Variants in DMPK observed in about 807,000 individuals in gnomAD.
DMPK encodes myotonin-protein kinase.
Under a neutral mutation model 70.3 loss-of-function variants are expected in DMPK, and 32 were observed. The observed-to-expected ratio is 0.46, with a 90% CI of 0.34 to 0.61. The LOEUF is 0.61. Among genes scored for constraint, DMPK ranks in the 20% least tolerant of loss-of-function variants. The pLI, the probability that DMPK is intolerant of heterozygous loss-of-function variation, is 0.01. For missense variants in DMPK, 899 were observed against 886.0 expected (o/e 1.01, Z -0.19); for synonymous variants, 469 against 390.9 (o/e 1.20, Z -2.36).
At chr19:45,778,711 A>C (rs1049380673) in intron 4 of DMPK, 70 bp from the exon 5 acceptor site, 1 of 1,512,356 alleles carries the variant, frequency 6.6e-7, no homozygotes, top group Non-Finnish European at 9.0e-7. Context: ...TGGCTGGGAC[A>C]ACCCCTCCCA....
Position 45,777,165 on chromosome 19 carries a change from G to C in DMPK, c.1146+162C>G. Reference sequence around the variant, plus strand: ...TCTGTGTTCCCCCACTGGACTGTAAGTCTAGGTCACTGCTGGGTCCTCAGT... The same window carrying C: ...TCTGTGTTCCCCCACTGGACTGTAACTCTAGGTCACTGCTGGGTCCTCAGT... On this transcript the variant is annotated intron_variant, in intron 8 of 14. Coordinates refer to ENST00000291270, the MANE Select transcript of DMPK (RefSeq NM_004409.5). This position sits in a 1 kb window ranked among gnomAD's most constrained non-coding sequence, Gnocchi z 6.7. 1.0e-6 allele frequency: 1 copy of C among 1,003,318 alleles called. No individual in the cohort carries two copies. Among genetic ancestry groups the C allele is most frequent in the Non-Finnish European group, 1.4e-6 (1 of 710,350 alleles). The allele number at this position is 1,003,318 out of a possible 1,614,324, so 62.2% of individuals were successfully genotyped here.
chr19:45,777,736 C>T lies in DMPK; in HGVS notation c.813G>A (p.Met271Ile). The change falls in exon 7 of 15, where the codon ATG becomes ATA. Residue 271 changes from methionine to isoleucine, a missense_variant. Physicochemically the swap from Met to Ile is conservative, Grantham distance 10 (BLOSUM62 1). Coordinates refer to ENST00000291270, the MANE Select transcript of DMPK (RefSeq NM_004409.5). The surrounding 1 kb of genome is among the most constrained non-coding windows in gnomAD (Gnocchi z 6.7). ...CGTAGAAGGGCGTCTGCCCATAGAACATTTCATAGGCGAATACACCCAGCG... is the reference window on the plus strand; with the variant it reads ...CGTAGAAGGGCGTCTGCCCATAGAATATTTCATAGGCGAATACACCCAGCG... ...WWALGVFAYE[M>I]FYGQTPFYAD... The T allele has an allele frequency of 1.2e-6, 2 of 1,613,864 alleles. No homozygotes were observed.
Position 45,782,466 on chromosome 19 carries a change from C to G in DMPK, c.-114G>C. The G allele has an allele frequency of 8.1e-7, 1 of 1,229,814 alleles. No homozygotes were observed. Among genetic ancestry groups the G allele is most frequent in the South Asian group, 1.6e-5 (1 of 62,264 alleles). 76.2% of individuals were successfully genotyped at this position (1,229,814 alleles called of 1,614,324 possible). A position where few individuals can be genotyped will look rare whatever the true frequency, so the allele number is the denominator to read the frequency against. ...GAGCCCTGGCTGCATGTCTGCCTGT[C>G]CCTGGCTGTCCCCTGGGCCTCTCTG... On this transcript the variant is annotated 5_prime_UTR_variant, in exon 1 of 15. Coordinates refer to ENST00000291270, the MANE Select transcript of DMPK (RefSeq NM_004409.5).
At chr19:45,779,078 C>T (rs1011496591) in intron 4 of DMPK, 186 bp downstream of exon 4, 9 of 641,592 alleles carry the variant, frequency 1.4e-5, no homozygotes, top group Non-Finnish European at 2.5e-5. Context: ...CAGTGAAGGA[C>T]ACCATCCCCG....
chr19:45,777,508 T>A lies in DMPK; in HGVS notation c.965A>T (p.Glu322Val). The A allele has an allele frequency of 6.2e-7, 1 of 1,613,502 alleles. No individual in the cohort carries two copies. Among genetic ancestry groups the A allele is most frequent in the Non-Finnish European group, 8.5e-7 (1 of 1,180,018 alleles). The change falls in exon 8 of 15, where the codon GAG becomes GTG. Residue 322 changes from glutamate to valine, a missense_variant. Glu to Val is a moderately radical substitution (Grantham distance 121). Coordinates refer to ENST00000291270, the MANE Select transcript of DMPK (RefSeq NM_004409.5). This position sits in a 1 kb window ranked among gnomAD's most constrained non-coding sequence, Gnocchi z 6.7. ...DFIQRLLCPP[E>V]TRLGRGGAGD... ...TGCTCCACCCCGGCCCAGCCGTGTCTCCGGGGGACACAGCAACCGCTGAAT... is the reference window on the plus strand; with the variant it reads ...TGCTCCACCCCGGCCCAGCCGTGTCACCGGGGGACACAGCAACCGCTGAAT...
Position 45,782,483 on chromosome 19 carries a change from G to A in DMPK, c.-131C>T. The stretch of plus-strand genomic sequence containing the variant: ...CTGCCTGTCCCTGGCTGTCCCCTGG[G>A]CCTCTCTGGCCACTTCTCTCTGCGG... On this transcript the variant is annotated 5_prime_UTR_variant, in exon 1 of 15. Transcript: ENST00000291270. 1 of 1,049,070 alleles carries A rather than the reference G, an allele frequency of 9.5e-7. No homozygotes were observed. The highest frequency in any genetic ancestry group is 1.7e-5 in the South Asian group (1 of 57,360). 65.0% of individuals were successfully genotyped at this position (1,049,070 alleles called of 1,614,324 possible).
In DMPK at chr19:45,770,438, G is replaced by T. The variant is rs1040462326; in HGVS notation, c.*50C>A. The T allele has an allele frequency of 3.2e-6, 5 of 1,545,272 alleles. 1 individual carries two copies. The African/African-American group carries it at 5.5e-5, about 17-fold the overall frequency. On this transcript the variant is annotated 3_prime_UTR_variant, in exon 15 of 15. Coordinates refer to ENST00000291270, the MANE Select transcript of DMPK (RefSeq NM_004409.5). Reference sequence around the variant, plus strand: ...GGGCGCGGCTTCTGTGCCGTGCCCCGGGCACTCAGTCTTCCAACGGGGCCC... The same window carrying T: ...GGGCGCGGCTTCTGTGCCGTGCCCCTGGCACTCAGTCTTCCAACGGGGCCC...
rs183020005 is a variant in DMPK at position 45,781,680 on chromosome 19, C to T, written c.160+513G>A. ...CCCACAGGGCCCGCGTGAGTCACCG[C>T]CCTCCCAGTGCCTGGGCACCTGTTG... On this transcript the variant is annotated intron_variant, in intron 1 of 14. Transcript: ENST00000291270. 1.9e-3 allele frequency among the ~76,000 whole-genome samples: 296 copies of T among 152,320 alleles called. 1 individual carries two copies. Among genetic ancestry groups the T allele is most frequent in the African/African-American group, 6.7e-3 (278 of 41,568 alleles).
At chr19:45,771,142 AG>A (rs1400999636) in intron 13 of DMPK, 82 bp from the exon 14 acceptor site, 6 of 1,229,616 alleles carry the variant, frequency 4.9e-6, no homozygotes, top group Non-Finnish European at 6.8e-6. Flanking sequence ...AGGGGAATCG[AG>A]GTTGGGGAGG....
Position 45,770,309 on chromosome 19 carries a change from G to C in DMPK, c.*179C>G. On this transcript the variant is annotated 3_prime_UTR_variant, in exon 15 of 15. Transcript: ENST00000291270. The stretch of plus-strand genomic sequence containing the variant: ...CCTTCGAGCCCCGTTCGCCGGCCGC[G>C]GACCCGGCCCCTCCCTCCCCGGCCG... 1.2e-6 allele frequency: 1 copy of C among 860,456 alleles called. No homozygotes were observed. The highest frequency in any genetic ancestry group is 1.8e-6 in the Non-Finnish European group (1 of 555,094). The allele number at this position is 860,456 out of a possible 1,614,324, so 53.3% of individuals were successfully genotyped here. A position where few individuals can be genotyped will look rare whatever the true frequency, so the allele number is the denominator to read the frequency against.
intron 1 of DMPK, among the ~76,000 whole-genome samples, chr19:45,781,815 G>C (rs999626155): frequency 2.1e-4 from 32 of 152,192 alleles, no homozygotes; most frequent in Admixed American, 1.6e-3. Context: ...CCAGGGGAGA[G>C]GGCCATAGAG....
Position 45,770,615 on chromosome 19 carries a change from G to C in DMPK, c.1763C>G (p.Ala588Gly), listed in dbSNP as rs1417088130. 8 of 1,552,612 alleles carry C rather than the reference G, an allele frequency of 5.2e-6. No homozygotes were observed. The highest frequency in any genetic ancestry group is 5.2e-6 in the Non-Finnish European group (6 of 1,148,218). The change falls in exon 15 of 15, where the codon GCG (alanine) becomes GGG (glycine). Residue 588 changes from alanine to glycine, a missense_variant. Ala to Gly is a moderately conservative substitution (Grantham distance 60). Coordinates refer to ENST00000291270, the MANE Select transcript of DMPK (RefSeq NM_004409.5). ...AACGGCGAACAGGAGCAGGGAAAGC[G>C]CCTCCGATAGGCCAGGCCTAGGGAC... ...ARVPRPGLSE[A>G]LSLLLFAVVL...
Position 45,777,950 on chromosome 19 carries a change from TC to T in DMPK, c.676-78del. ...AGCTCTGGGCCCTCCTTCCAACCAC[TC>T]CCCAAATGCTTAGCCCCTCCCTCTG... On this transcript the variant is annotated intron_variant, in intron 6 of 14. Transcript: ENST00000291270. The surrounding 1 kb of genome is among the most constrained non-coding windows in gnomAD (Gnocchi z 6.7). 2 of 1,405,296 alleles carry T rather than the reference TC, an allele frequency of 1.4e-6. No individual in the cohort carries two copies. The highest frequency in any genetic ancestry group is 2.0e-6 in the Non-Finnish European group (2 of 1,024,750). 87.1% of individuals were successfully genotyped at this position (1,405,296 alleles called of 1,614,324 possible). A position where few individuals can be genotyped will look rare whatever the true frequency, so the allele number is the denominator to read the frequency against.
At chr19:45,775,111 TC>T in intron 8 of DMPK, 77 bp from the exon 9 acceptor site, 3 of 1,205,436 alleles carry the variant, frequency 2.5e-6, no homozygotes, top group South Asian at 1.3e-5. Context: ...GCTTACATGT[TC>T]CCCCCAAACC....
chr19:45,770,679 T>A (rs779881601), intron 14 of DMPK, 39 bp from the exon 15 acceptor site: 3 of 1,542,424 alleles, frequency 1.9e-6, no homozygotes, highest in African/African-American at 2.7e-5. Context: ...GGCATGGGCC[T>A]CTGATTGGCT....
intron 9 of DMPK, 85 bp from the exon 10 acceptor site, chr19:45,772,837 G>A: frequency 9.8e-6 from 7 of 717,368 alleles, no homozygotes; most frequent in Non-Finnish European, 1.5e-5. Flanking sequence ...GTGGGTAGGG[G>A]CAGCTGCTTC....
Position 45,769,907 on chromosome 19 carries a change from C to T in DMPK, c.*581G>A. ...TAAATATCCAAACCGCCGAAGCGGG[C>T]GGAGCCGGCTGGGGCTCCGAGAGCA... On this transcript the variant is annotated 3_prime_UTR_variant, in exon 15 of 15. Coordinates refer to ENST00000291270, the MANE Select transcript of DMPK (RefSeq NM_004409.5). The T allele has an allele frequency of 3.5e-6, 1 of 281,968 alleles. No individual in the cohort carries two copies. The highest frequency in any genetic ancestry group is 9.3e-5 in the East Asian group (1 of 10,748). 17.5% of individuals were successfully genotyped at this position (281,968 alleles called of 1,614,324 possible).
rs1351824737 is a variant in DMPK, at chr19:45,782,227, G to C, written c.126C>G (p.Ala42=). 1 of 1,607,808 alleles carries C rather than the reference G, an allele frequency of 6.2e-7. No individual in the cohort carries two copies. The highest frequency in any genetic ancestry group is 8.5e-7 in the Non-Finnish European group (1 of 1,177,818). The change falls in exon 1 of 15, where the codon GCC becomes GCG. Residue 42 remains alanine (A), a synonymous_variant. Coordinates refer to ENST00000291270, the MANE Select transcript of DMPK (RefSeq NM_004409.5). ...AGAAGTCGGCCACGTACTTGTCCTGGGCCAGTTCGGAGGCGCCCAGCTCCT... is the reference window on the plus strand; with the variant it reads ...AGAAGTCGGCCACGTACTTGTCCTGCGCCAGTTCGGAGGCGCCCAGCTCCT... ...VHQELGASEL[A]QDKYVADFLQ...
At chr19:45,779,685 G>A in intron 2 of DMPK, 93 bp downstream of exon 2, 3 of 1,533,422 alleles carry the variant, frequency 2.0e-6, no homozygotes, top group Admixed American at 2.0e-5. Flanking sequence ...TAGGTTCTAA[G>A]GCTCGGTCAT....
Sources: allele counts gnomAD v4.1 joint callset (sites outside exome capture counted in the v4.1 genomes callset), GRCh38; gene constraint gnomAD v4.1.1; non-coding constraint Gnocchi (gnomAD v3.1); transcripts MANE v1.5; gene names NCBI Gene and HGNC (gene_info 2026-07-23, HGNC 2026-07-21).